GRID2: variants seen among roughly 807,000 people sequenced by gnomAD.
GRID2 encodes the protein glutamate ionotropic receptor delta type subunit 2.
A neutral mutation model predicts 114.8 loss-of-function variants in GRID2; 33 were observed. The observed-to-expected ratio is 0.29, with a 90% CI of 0.22 to 0.38. GRID2 has a LOEUF of 0.38. GRID2 is among the 10% of genes least tolerant of loss of function. GRID2 has a pLI of 1.00. For missense variants in GRID2, 1,184 were observed against 1,257.7 expected (o/e 0.94, Z 0.89); for synonymous variants, 505 against 449.9 (o/e 1.12, Z -1.55).
Position 92,870,399 on chromosome 4 carries a change from G to C in GRID2, c.245-214596G>C, listed in dbSNP as rs146962345. Among the ~76,000 whole-genome samples, 845 of 152,006 alleles carry C rather than the reference G, an allele frequency of 5.6e-3. 12 individuals are homozygous for C. Among genetic ancestry groups the C allele is most frequent in the African/African-American group, 0.02 (811 of 41,458 alleles). On this transcript the variant is annotated intron_variant, in intron 2 of 15. Coordinates refer to ENST00000282020, the MANE Select transcript of GRID2 (RefSeq NM_001510.4). ...TTTTATTCACGTTGAATGCAGAACA[G>C]GGCTTGGCTTACAGTATTTAGGTGT...
chr4:93,213,201 T>C (rs1008508391), intron 5 of GRID2, among the ~76,000 whole-genome samples: 5 of 152,216 alleles, frequency 3.3e-5, no homozygotes, highest in African/African-American at 9.6e-5. Context: ...AAAGTTGCCA[T>C]CCTGCTTCTC....
intron 2 of GRID2, among the ~76,000 whole-genome samples, chr4:92,932,460 C>T (rs892919698): frequency 4.0e-5 from 6 of 151,192 alleles, no homozygotes; most frequent in Non-Finnish European, 5.9e-5. Flanking sequence ...CCATACACCA[C>T]GTTTTGTGGT....
intron 2 of GRID2, among the ~76,000 whole-genome samples, chr4:92,775,471 G>A (rs1361773232): frequency 6.6e-6 from 1 of 152,132 alleles, no homozygotes; most frequent in Admixed American, 6.6e-5. Context: ...CCAAGAGGAA[G>A]TCTATGCCTA....
chr4:92,531,944 T>C (rs897298868), intron 1 of GRID2, among the ~76,000 whole-genome samples: 5 of 152,140 alleles, frequency 3.3e-5, no homozygotes, highest in Non-Finnish European at 7.4e-5. Context: ...CTAGCAAATA[T>C]CTTTCCAAGA....
chr4:92,658,940 T>C (rs1732389637), intron 2 of GRID2, among the ~76,000 whole-genome samples: 1 of 147,868 alleles, frequency 6.8e-6, no homozygotes, highest in Non-Finnish European at 1.5e-5. Context: ...GTATGTGCAT[T>C]TCCTTTCCAG....
chr4:93,655,884 A>G (rs1431519025), intron 14 of GRID2, among the ~76,000 whole-genome samples: 1 of 151,982 alleles, frequency 6.6e-6, no homozygotes, highest in Admixed American at 6.6e-5. Context: ...TGATATATAC[A>G]CCAATGGGAT....
chr4:92,671,387 C>T (rs1470630715), intron 2 of GRID2, among the ~76,000 whole-genome samples: 2 of 152,090 alleles, frequency 1.3e-5, no homozygotes, highest in African/African-American at 4.8e-5. Flanking sequence ...AACCATATCT[C>T]TAGCCAATAC....
chr4:93,200,899 A>G (rs1261984111), intron 4 of GRID2, among the ~76,000 whole-genome samples: 1 of 152,192 alleles, frequency 6.6e-6, no homozygotes, highest in African/African-American at 2.4e-5. Flanking sequence ...ATCTTCTCCT[A>G]GAGATCAATA....
chr4:92,908,429 A>G (rs1748117689), intron 2 of GRID2, among the ~76,000 whole-genome samples: 2 of 152,248 alleles, frequency 1.3e-5, no homozygotes, highest in African/African-American at 4.8e-5. Context: ...AAAGCAAGAT[A>G]GAGCTTTCTT....
chr4:93,238,550 T>C (rs1200452978), intron 8 of GRID2, 60 bp downstream of exon 8: 11 of 1,481,300 alleles, frequency 7.4e-6, no homozygotes, highest in Non-Finnish European at 8.4e-6. Context: ...GCTTGATTGT[T>C]TTCCATGCAG....
At chr4:92,926,978 C>G (rs535583121) in intron 2 of GRID2, among the ~76,000 whole-genome samples, 1 of 152,020 alleles carries the variant, frequency 6.6e-6, no homozygotes, top group South Asian at 2.1e-4. Context: ...TTAGGAGACA[C>G]ATTTAAAACA....
chr4:93,364,031 GT>G (rs1187507439), intron 8 of GRID2, among the ~76,000 whole-genome samples: 1 of 151,880 alleles, frequency 6.6e-6, no homozygotes. Flanking sequence ...ATATATGTGT[GT>G]TGTATTCATT....
intron 6 of GRID2, among the ~76,000 whole-genome samples, chr4:93,222,733 G>C (rs1245493970): frequency 7.2e-5 from 11 of 151,960 alleles, no homozygotes; most frequent in African/African-American, 2.7e-4. Flanking sequence ...TTTTGTCCTT[G>C]TGATAGTTTG....
intron 13 of GRID2, among the ~76,000 whole-genome samples, chr4:93,616,248 A>C (rs1578406404): frequency 6.6e-6 from 1 of 152,258 alleles, no homozygotes; most frequent in Admixed American, 6.5e-5. Flanking sequence ...TTAGATAAGA[A>C]GTTTATAGAC....
chr4:92,391,093 A>G (rs992566707), intron 1 of GRID2, among the ~76,000 whole-genome samples: 4 of 152,224 alleles, frequency 2.6e-5, no homozygotes, highest in Admixed American at 1.3e-4. Context: ...AAAATTGTAC[A>G]TATTTGAAAG....
intron 2 of GRID2, among the ~76,000 whole-genome samples, chr4:92,633,994 T>C (rs1730937649): frequency 6.6e-6 from 1 of 152,102 alleles, no homozygotes; most frequent in South Asian, 2.1e-4. Context: ...CTCTTCTCTC[T>C]GTTTTTACCA....
intron 2 of GRID2, among the ~76,000 whole-genome samples, chr4:93,038,043 T>C (rs1725085240): frequency 1.3e-5 from 2 of 152,204 alleles, no homozygotes; most frequent in Admixed American, 1.3e-4. Context: ...ATAAATTATT[T>C]TGGGCAGTAT....
At chr4:93,572,392 C>T (rs1028236446) in intron 13 of GRID2, among the ~76,000 whole-genome samples, 1 of 152,068 alleles carries the variant, frequency 6.6e-6, no homozygotes, top group African/African-American at 2.4e-5. Context: ...CCATTATGAG[C>T]ATTTCAGGTA....
chr4:93,226,248 T>C (rs1014644935), intron 7 of GRID2, among the ~76,000 whole-genome samples: 1 of 152,172 alleles, frequency 6.6e-6, no homozygotes, highest in Non-Finnish European at 1.5e-5. Flanking sequence ...CAGAGTCTTA[T>C]TTAAATCAGA....
Sources: gnomAD v4.1 joint callset for allele counts (sites outside exome capture counted in the v4.1 genomes callset) on GRCh38, gnomAD v4.1.1 for gene constraint, MANE v1.5 for transcripts, NCBI Gene and HGNC (gene_info 2026-07-23, HGNC 2026-07-21) for gene names.